The following LRP1B variants were observed in gnomAD, a reference collection of about 807,000 sequenced individuals.
LRP1B encodes low-density lipoprotein receptor-related protein 1B.
In LRP1B, 217 loss-of-function variants were observed where a neutral mutation model predicts 556.6. The ratio of observed to expected loss-of-function variants is 0.39; its 90% CI spans 0.35 to 0.44. LRP1B has a LOEUF of 0.44. Ranked by LOEUF, LRP1B falls within the 20% of genes least tolerant of loss-of-function variation. The pLI is 1.00. For synonymous variants in LRP1B, 2,047 were observed against 1,865.8 expected, an observed-to-expected ratio of 1.10 and a Z score of -2.50; for missense variants, 5,053 against 5,620.8, an observed-to-expected ratio of 0.90 and a Z score of 3.23.
intron 32 of LRP1B, among the ~76,000 whole-genome samples, chr2:140,787,558 ATTTTTTTTTTTT>A (rs756825067): frequency 6.7e-4 from 30 of 44,634 alleles, no homozygotes; most frequent in African/African-American, 3.0e-3. Flanking sequence ...AAAACAGAAG[ATTTTTTTTTTTT>A]TTTTTTTTTT....
intron 6 of LRP1B, among the ~76,000 whole-genome samples, chr2:141,213,533 A>T (rs779951305): frequency 4.4e-4 from 67 of 152,124 alleles, no homozygotes; most frequent in Admixed American, 5.2e-4. Flanking sequence ...CATGGGAAGA[A>T]ACCAAAGTCC....
At chr2:140,661,443 TG>T (rs1356915172) in intron 41 of LRP1B, among the ~76,000 whole-genome samples, 2 of 151,430 alleles carry the variant, frequency 1.3e-5, no homozygotes, top group Non-Finnish European at 2.9e-5. Flanking sequence ...GAGGATCACT[TG>T]TGTCCAGGAG....
At chr2:141,475,725 C>T (rs1682677288) in intron 3 of LRP1B, among the ~76,000 whole-genome samples, 1 of 151,868 alleles carries the variant, frequency 6.6e-6, no homozygotes, top group Non-Finnish European at 1.5e-5. Context: ...AGGAGAGAAG[C>T]GACGGAGCAT....
At chr2:140,605,819 A>G (rs1020794498) in intron 41 of LRP1B, among the ~76,000 whole-genome samples, 5 of 152,104 alleles carry the variant, frequency 3.3e-5, no homozygotes, top group African/African-American at 2.4e-5. Flanking sequence ...CTTTCATTAT[A>G]AAAATATTCA....
intron 1 of LRP1B, among the ~76,000 whole-genome samples, chr2:142,017,374 T>C (rs926163667): frequency 3.3e-5 from 5 of 152,206 alleles, no homozygotes; most frequent in African/African-American, 1.2e-4. Context: ...ACGTAATATA[T>C]TTTAATTATA....
chr2:141,764,103 A>G (rs958958679), intron 2 of LRP1B, among the ~76,000 whole-genome samples: 1 of 152,178 alleles, frequency 6.6e-6, no homozygotes, highest in African/African-American at 2.4e-5. Context: ...CTCTAATATG[A>G]CAGTAATTAA....
chr2:142,115,571 ATT>A (rs1559079752), intron 1 of LRP1B, among the ~76,000 whole-genome samples: 7 of 43,860 alleles, frequency 1.6e-4, no homozygotes, highest in Non-Finnish European at 2.2e-4. Flanking sequence ...TGTAATATAT[ATT>A]ATATATGTAA....
At chr2:142,129,500 C>T (rs1028472003) in intron 1 of LRP1B, among the ~76,000 whole-genome samples, 4 of 151,836 alleles carry the variant, frequency 2.6e-5, no homozygotes, top group African/African-American at 9.7e-5. Context: ...TCATAATCTG[C>T]TTCATGTAAA....
At chr2:141,423,228 A>G (rs1274142304) in intron 3 of LRP1B, among the ~76,000 whole-genome samples, 1 of 150,264 alleles carries the variant, frequency 6.7e-6, no homozygotes, top group Admixed American at 6.6e-5. Flanking sequence ...GTACATGACT[A>G]TACTATACCT....
At chr2:141,758,612 TTAGAG>T (rs1246281384) in intron 2 of LRP1B, among the ~76,000 whole-genome samples, 3 of 152,050 alleles carry the variant, frequency 2.0e-5, no homozygotes, top group Non-Finnish European at 4.4e-5. Context: ...ATGTATTTAC[TTAGAG>T]TATTGATTGC....
At chr2:141,589,204 C>T (rs149865623) in intron 2 of LRP1B, among the ~76,000 whole-genome samples, 83 of 152,172 alleles carry the variant, frequency 5.5e-4, no homozygotes, top group African/African-American at 1.9e-3. Context: ...TTTTAAACCT[C>T]TCTTTAAAAA....
At chr2:141,701,512 C>A (rs1231290785) in intron 2 of LRP1B, among the ~76,000 whole-genome samples, 1 of 151,748 alleles carries the variant, frequency 6.6e-6, no homozygotes, top group Non-Finnish European at 1.5e-5. Flanking sequence ...GGGTTCACAT[C>A]TTGACGCCAT....
At chr2:140,493,961 G>A (rs1438595741) in intron 56 of LRP1B, among the ~76,000 whole-genome samples, 1 of 152,076 alleles carries the variant, frequency 6.6e-6, no homozygotes, top group African/African-American at 2.4e-5. Context: ...AGTTGAAGGT[G>A]CCTTGCCACT....
At chr2:140,602,050 A>T (rs1260767177) in intron 41 of LRP1B, among the ~76,000 whole-genome samples, 1 of 152,122 alleles carries the variant, frequency 6.6e-6, no homozygotes, top group Non-Finnish European at 1.5e-5. Context: ...GATACTATAG[A>T]TCTGGAGATG....
intron 1 of LRP1B, among the ~76,000 whole-genome samples, chr2:142,101,429 C>T (rs16848146): frequency 0.052 from 7,909 of 151,912 alleles, 434 homozygotes; most frequent in African/African-American, 0.14. Context: ...GCATATGTTA[C>T]GTATATTTTG....
At chr2:140,850,418 G>A in intron 28 of LRP1B, 89 bp from the exon 29 acceptor site, 1 of 676,180 alleles carries the variant, frequency 1.5e-6, no homozygotes, top group Non-Finnish European at 2.5e-6. Flanking sequence ...TTTAATACAT[G>A]TTAACTCCCA....
chr2:140,556,951 G>A (rs10179908), intron 43 of LRP1B, among the ~76,000 whole-genome samples: 52,554 of 151,802 alleles, frequency 0.35, 10,113 homozygotes, highest in South Asian at 0.45. Flanking sequence ...ATAAATATGT[G>A]TTGATGTCAT....
At chr2:142,113,592 T>C (rs1243876379) in intron 1 of LRP1B, among the ~76,000 whole-genome samples, 1 of 151,682 alleles carries the variant, frequency 6.6e-6, no homozygotes, top group African/African-American at 2.4e-5. Flanking sequence ...AACACAACAA[T>C]GTTGTGTTCA....
intron 43 of LRP1B, among the ~76,000 whole-genome samples, chr2:140,555,224 GAA>G (rs11419084): frequency 2.1e-5 from 3 of 144,838 alleles, no homozygotes; most frequent in Non-Finnish European, 1.5e-5. Flanking sequence ...AGACGCTCAG[GAA>G]AAAAAAAAAA....
Sources: allele counts gnomAD v4.1 joint callset (sites outside exome capture counted in the v4.1 genomes callset), GRCh38; gene constraint gnomAD v4.1.1; transcripts MANE v1.5; gene names NCBI Gene and HGNC (gene_info 2026-07-23, HGNC 2026-07-21).